METTL8: variants seen among roughly 807,000 people sequenced by gnomAD.
The protein encoded by METTL8 is tRNA N(3)-cytidine methyltransferase METTL8, mitochondrial.
In METTL8, 32 loss-of-function variants were observed where a neutral mutation model predicts 48.7. The observed-to-expected ratio is 0.66, with a 90% confidence interval of 0.50 to 0.88. METTL8 has a LOEUF of 0.88. Among genes scored for constraint, METTL8 ranks in the 40% least tolerant of loss-of-function variants. The probability of loss-of-function intolerance (pLI) is 0.00; values close to 1 mark genes in which losing one functional copy is unlikely to be tolerated. For synonymous variants in METTL8, 136 were observed against 157.1 expected (o/e 0.87, Z 1.01); for missense variants, 464 against 474.4 (o/e 0.98, Z 0.20).
At chr2:171,405,499 T>C (rs1690081837) in intron 1 of METTL8, among the ~76,000 whole-genome samples, 1 of 152,110 alleles carries the variant, frequency 6.6e-6, no homozygotes, top group Admixed American at 6.5e-5. Flanking sequence ...GTTTAATCAA[T>C]ATATAAGTCA....
chr2:171,387,720 C>T (rs1363664863), intron 2 of METTL8, among the ~76,000 whole-genome samples: 2 of 151,854 alleles, frequency 1.3e-5, no homozygotes, highest in African/African-American at 4.8e-5. Flanking sequence ...CTCAATTCAG[C>T]CCAGTTATTA....
rs1371135587 is a variant in METTL8 at position 171,319,369 on chromosome 2, C to CTTGTGAGGAG, written c.*4793_*4802dup. On this transcript the variant is annotated 3_prime_UTR_variant, in exon 10 of 10. Coordinates refer to ENST00000375258, the MANE Select transcript of METTL8 (RefSeq NM_001321154.2). ...TGATGCAAATGTGAAGTTATCTGCACTTGTGAGGAGCATAACAAACATCAA... is the reference window on the plus strand; with the variant it reads ...TGATGCAAATGTGAAGTTATCTGCACTTGTGAGGAGTTGTGAGGAGCATAACAAACATCAA... 1.3e-5 allele frequency: 2 copies of CTTGTGAGGAG among 152,212 alleles called. No individual in the cohort carries two copies. The highest frequency in any genetic ancestry group is 4.8e-5 in the African/African-American group (2 of 41,462). 9.4% of individuals were successfully genotyped at this position (152,212 alleles called of 1,614,324 possible). A position where few individuals can be genotyped will look rare whatever the true frequency, so the allele number is the denominator to read the frequency against.
intron 3 of METTL8, among the ~76,000 whole-genome samples, chr2:171,358,907 T>C (rs1684866456): frequency 6.6e-6 from 1 of 152,120 alleles, no homozygotes; most frequent in South Asian, 2.1e-4. Flanking sequence ...AGAATATATT[T>C]GCAAACTACC....
At chr2:171,381,739 G>A (rs918765164) in intron 2 of METTL8, among the ~76,000 whole-genome samples, 62 of 150,476 alleles carry the variant, frequency 4.1e-4, no homozygotes, top group Non-Finnish European at 3.0e-5. Flanking sequence ...TATTAAAAAG[G>A]AAACAATAGA....
At position 171,403,667 on chromosome 2, in the gene METTL8, G is replaced by A. The variant is rs149514828; in HGVS notation, c.-12-11470C>T. 1.4e-3 allele frequency among the ~76,000 whole-genome samples: 211 copies of A among 152,126 alleles called. 4 individuals are homozygous for A. The East Asian group carries it at 0.015, about 11-fold the overall frequency. ...ATCTGTTACTAACAAGGGAGACGGG[G>A]TATGGACTATATGGAACCTCTCTAT... On this transcript the variant is annotated intron_variant, in intron 1 of 9. Transcript: ENST00000375258.
intron 1 of METTL8, among the ~76,000 whole-genome samples, chr2:171,418,664 C>T (rs1238497462): frequency 6.6e-6 from 1 of 152,008 alleles, no homozygotes. Context: ...AGAGCTCTTT[C>T]AAGCCAGGCA....
intron 1 of METTL8, among the ~76,000 whole-genome samples, chr2:171,396,601 AAAT>A (rs1424632745): frequency 5.3e-5 from 8 of 152,186 alleles, no homozygotes; most frequent in Admixed American, 3.9e-4. Flanking sequence ...TCCAAATTCA[AAAT>A]AATAATAAGA....
intron 2 of METTL8, among the ~76,000 whole-genome samples, chr2:171,367,836 T>A (rs1000947292): frequency 6.6e-6 from 1 of 152,198 alleles, no homozygotes; most frequent in African/African-American, 2.4e-5. Flanking sequence ...AAGTAGACTA[T>A]ACTAAGTTGA....
At chr2:171,418,160 G>T (rs190677265) in intron 1 of METTL8, among the ~76,000 whole-genome samples, 207 of 152,244 alleles carry the variant, frequency 1.4e-3, no homozygotes, top group African/African-American at 4.9e-3. Flanking sequence ...AGCCAGGATG[G>T]TCTCGATCTC....
intron 1 of METTL8, among the ~76,000 whole-genome samples, chr2:171,412,144 C>G (rs1690816067): frequency 6.6e-6 from 1 of 152,146 alleles, no homozygotes; most frequent in Non-Finnish European, 1.5e-5. Flanking sequence ...AAAGATTGGG[C>G]AAGTTCCAGG....
At chr2:171,389,562 A>G (rs943903752) in intron 2 of METTL8, among the ~76,000 whole-genome samples, 4 of 151,080 alleles carry the variant, frequency 2.6e-5, no homozygotes, top group South Asian at 4.2e-4. Context: ...CAGTGAATAC[A>G]TGAATGAAAA....
chr2:171,363,705 C>T (rs1250495982), intron 2 of METTL8, among the ~76,000 whole-genome samples: 1 of 147,980 alleles, frequency 6.8e-6, no homozygotes, highest in Non-Finnish European at 1.5e-5. Context: ...GAATATTATG[C>T]AGACATTAAG....
At position 171,404,562 on chromosome 2, in the gene METTL8, T is replaced by C. The variant is rs113282179; in HGVS notation, c.-12-12365A>G. On this transcript the variant is annotated intron_variant, in intron 1 of 9. Coordinates refer to ENST00000375258, the MANE Select transcript of METTL8 (RefSeq NM_001321154.2). Reference sequence around the variant, plus strand: ...CATGCAGTCTAAAACTTCTGCCTTGTTTATTTCTGGAATTTTCCATGTAAT... The same window carrying C: ...CATGCAGTCTAAAACTTCTGCCTTGCTTATTTCTGGAATTTTCCATGTAAT... 1.4e-3 allele frequency among the ~76,000 whole-genome samples: 214 copies of C among 152,288 alleles called. 4 individuals are homozygous for C. The East Asian group carries it at 0.015, about 11-fold the overall frequency.
At chr2:171,344,247 T>G (rs902378792) in intron 3 of METTL8, among the ~76,000 whole-genome samples, 9 of 152,214 alleles carry the variant, frequency 5.9e-5, no homozygotes, top group African/African-American at 1.9e-4. Flanking sequence ...TTATTCCAAT[T>G]TGCAGAGAAA....
At chr2:171,428,292 T>C (rs192086620) in intron 1 of METTL8, among the ~76,000 whole-genome samples, 65 of 152,306 alleles carry the variant, frequency 4.3e-4, no homozygotes, top group Admixed American at 1.7e-3. Flanking sequence ...GTTATTAATA[T>C]TGTGACTTCC....
intron 1 of METTL8, among the ~76,000 whole-genome samples, chr2:171,430,712 TG>T (rs1396524582): frequency 6.6e-6 from 1 of 152,042 alleles, no homozygotes; most frequent in African/African-American, 2.4e-5. Context: ...CCTAGGCAGA[TG>T]GGGGTGGGTC....
chr2:171,434,125 G>C (rs1693547193), upstream of METTL8: 1 of 343,960 alleles, frequency 2.9e-6, no homozygotes, highest in South Asian at 2.1e-5. Context: ...CCGCAAGACA[G>C]CGCAGCCTCC....
intron 1 of METTL8, 115 bp from the exon 2 acceptor site, chr2:171,392,312 A>G: frequency 1.3e-6 from 1 of 766,338 alleles, no homozygotes; most frequent in Non-Finnish European, 2.0e-6. Flanking sequence ...TGAAAACTAG[A>G]AACTTTTTAA....
Position 171,321,664 on chromosome 2 carries a change from A to T in METTL8, c.*2508T>A, listed in dbSNP as rs1170967552. 6.6e-6 allele frequency: 1 copy of T among 152,190 alleles called. No individual in the cohort carries two copies. Among genetic ancestry groups the T allele is most frequent in the Non-Finnish European group, 1.5e-5 (1 of 68,036 alleles). The allele number at this position is 152,190 out of a possible 1,614,324, so 9.4% of individuals were successfully genotyped here. ...TTCTAGGTTCTGTGGTTCATAATCA[A>T]AGTCTGCTAGCTGGTAAGTTCCCTA... On this transcript the variant is annotated 3_prime_UTR_variant, in exon 10 of 10. Transcript: ENST00000375258.
Sources: allele counts gnomAD v4.1 joint callset (sites outside exome capture counted in the v4.1 genomes callset), GRCh38; gene constraint gnomAD v4.1.1; transcripts MANE v1.5; gene names NCBI Gene and HGNC (gene_info 2026-07-23, HGNC 2026-07-21).